Variants in AADACL2 observed in about 807,000 individuals in gnomAD.
AADACL2 encodes arylacetamide deacetylase-like 2.
A neutral mutation model predicts 22.3 loss-of-function variants in AADACL2; 23 were observed. That is an observed-to-expected ratio of 1.03 (90% confidence interval 0.74 to 1.46). The LOEUF is 1.46. Ranked by LOEUF, AADACL2 falls within the 40% of genes most tolerant of loss-of-function variation. The pLI, the probability that AADACL2 is intolerant of heterozygous loss-of-function variation, is 0.00. For missense variants in AADACL2, 472 were observed against 482.9 expected (o/e 0.98, Z 0.21); for synonymous variants, 177 against 166.2 (o/e 1.07, Z -0.50).
At chr3:151,739,752 C>G (rs1176725052) in intron 1 of AADACL2, among the ~76,000 whole-genome samples, 1 of 152,196 alleles carries the variant, frequency 6.6e-6, no homozygotes, top group Non-Finnish European at 1.5e-5. Flanking sequence ...GCCACAGCCA[C>G]TTTGCTACAT....
chr3:151,744,308 A>T, intron 3 of AADACL2, 146 bp downstream of exon 3: 1 of 681,492 alleles, frequency 1.5e-6, no homozygotes, highest in Non-Finnish European at 2.4e-6. Context: ...ACTGCTCCTC[A>T]AAGAGGTTCA....
intron 4 of AADACL2, among the ~76,000 whole-genome samples, chr3:151,746,683 A>G (rs373746021): frequency 2.0e-5 from 3 of 152,038 alleles, no homozygotes; most frequent in African/African-American, 7.2e-5. Context: ...TTTTTACTCC[A>G]ACTATTGAGA....
At chr3:151,740,952 A>T (rs1713262344) in intron 2 of AADACL2, 84 bp downstream of exon 2, 1 of 1,047,742 alleles carries the variant, frequency 9.5e-7, no homozygotes, top group African/African-American at 1.6e-5. Context: ...ACACACTTAT[A>T]CTGATACATA....
At chr3:151,746,364 TG>T (rs1180801389) in intron 4 of AADACL2, among the ~76,000 whole-genome samples, 4 of 112,418 alleles carry the variant, frequency 3.6e-5, no homozygotes, top group Non-Finnish European at 4.0e-5. Flanking sequence ...GTGTTTTTTT[TG>T]TTTTTTTTTT....
At chr3:151,748,309 G>A (rs1003295399) in intron 4 of AADACL2, among the ~76,000 whole-genome samples, 4 of 152,220 alleles carry the variant, frequency 2.6e-5, no homozygotes, top group African/African-American at 7.2e-5. Flanking sequence ...TGAAATGAGT[G>A]TCCAATTTCA....
chr3:151,750,812 T>G (rs532038352), intron 4 of AADACL2, among the ~76,000 whole-genome samples: 2 of 152,328 alleles, frequency 1.3e-5, no homozygotes, highest in African/African-American at 4.8e-5. Context: ...TAAGTATATA[T>G]GCACATACAT....
intron 1 of AADACL2, among the ~76,000 whole-genome samples, chr3:151,735,891 G>T (rs976837189): frequency 6.6e-6 from 1 of 152,152 alleles, no homozygotes; most frequent in African/African-American, 2.4e-5. Flanking sequence ...TATTAACCAT[G>T]TAATATTTAA....
chr3:151,744,033 AACT>A (rs1560282867), intron 2 of AADACL2, 57 bp from the exon 3 acceptor site: 2 of 1,536,628 alleles, frequency 1.3e-6, no homozygotes, highest in African/African-American at 2.7e-5. Context: ...TCATATCTGT[AACT>A]GTTTCTATAG....
chr3:151,753,626 G>A (rs1242274669), intron 4 of AADACL2, among the ~76,000 whole-genome samples: 1 of 152,154 alleles, frequency 6.6e-6, no homozygotes, highest in African/African-American at 2.4e-5. Flanking sequence ...CAGTTTCTAT[G>A]AAGTTGAGTG....
intron 4 of AADACL2, among the ~76,000 whole-genome samples, chr3:151,752,037 T>G (rs1313596514): frequency 1.3e-5 from 2 of 152,228 alleles, no homozygotes; most frequent in Non-Finnish European, 2.9e-5. Flanking sequence ...TATCCTTTCC[T>G]ATTTACTTTT....
intron 2 of AADACL2, among the ~76,000 whole-genome samples, chr3:151,741,464 C>T (rs1463399220): frequency 6.6e-6 from 1 of 152,042 alleles, no homozygotes; most frequent in Non-Finnish European, 1.5e-5. Context: ...AGAAAAAAGA[C>T]ACACACATAG....
chr3:151,740,694 T>A lies in AADACL2; in HGVS notation c.187T>A (p.Ser63Thr), dbSNP rs1273957911. The change falls in exon 2 of 5, where the codon TCC becomes ACC. Residue 63 changes from serine to threonine, a missense_variant. Around this residue, in one of 3 missense-constraint regions of AADACL2, gnomAD observed 356 missense variants for 365.5 expected, o/e 0.97. Transcript: ENST00000356517. ...TATTATGAGATATGAAGAGTTTATA[T>A]CCATGATATTCAGGCTGGATTATAC... The part of the protein sequence containing the change: ...MRIMRYEEFI[S>T]MIFRLDYTQP... The A allele has an allele frequency of 1.2e-6, 2 of 1,613,764 alleles. No homozygotes were observed. Among genetic ancestry groups the A allele is most frequent in the Non-Finnish European group, 1.7e-6 (2 of 1,179,846 alleles).
At chr3:151,744,292 A>G (rs1380594896) in intron 3 of AADACL2, 130 bp downstream of exon 3, 3 of 766,180 alleles carry the variant, frequency 3.9e-6, no homozygotes, top group Non-Finnish European at 6.1e-6. Context: ...CACCATTGCA[A>G]CATAGACTGC....
intron 1 of AADACL2, among the ~76,000 whole-genome samples, chr3:151,739,765 T>A (rs1256597763): frequency 6.6e-6 from 1 of 152,100 alleles, no homozygotes; most frequent in East Asian, 1.9e-4. Context: ...TGCTACATGG[T>A]GCTGAATTCC....
chr3:151,754,375 C>T (rs957230258), intron 4 of AADACL2, among the ~76,000 whole-genome samples: 4 of 152,074 alleles, frequency 2.6e-5, no homozygotes, highest in African/African-American at 7.2e-5. Flanking sequence ...ACAATAATAC[C>T]AGTGGCATGG....
chr3:151,740,688 T>C lies in AADACL2; in HGVS notation c.181T>C (p.Phe61Leu). Residue 61 changes from phenylalanine to leucine, a missense_variant, in exon 2 of 5, where the codon TTT becomes CTT. Transcript: ENST00000356517. ...TATGCGTATTATGAGATATGAAGAG[T>C]TTATATCCATGATATTCAGGCTGGA... ...ENMRIMRYEE[F>L]ISMIFRLDYT... The C allele has an allele frequency of 6.2e-7, 1 of 1,613,712 alleles. No individual in the cohort carries two copies. The highest frequency in any genetic ancestry group is 8.5e-7 in the Non-Finnish European group (1 of 1,179,768).
Position 151,740,841 on chromosome 3 carries a change from G to T in AADACL2, c.334G>T (p.Gly112Cys). ...AAGGCGAGCTGTGATATATTTTCAT[G>T]GTGGTGGTTTTTGTTTTGGAAGTTC... The part of the protein sequence containing the change: ...TRRRAVIYFH[G>C]GGFCFGSSKQ... The change falls in exon 2 of 5, where the codon GGT becomes TGT. Residue 112 changes from glycine to cysteine, a missense_variant. Physicochemically the swap from Gly to Cys is radical, Grantham distance 159. Around this residue, in one of 3 missense-constraint regions of AADACL2, gnomAD observed 356 missense variants for 365.5 expected, o/e 0.97. Transcript: ENST00000356517. 6.2e-7 allele frequency: 1 copy of T among 1,613,904 alleles called. No homozygotes were observed. The highest frequency in any genetic ancestry group is 8.5e-7 in the Non-Finnish European group (1 of 1,179,906).
intron 4 of AADACL2, among the ~76,000 whole-genome samples, chr3:151,750,390 A>G (rs1176186438): frequency 6.6e-6 from 1 of 152,142 alleles, no homozygotes; most frequent in East Asian, 1.9e-4. Flanking sequence ...CAGGTTCCTA[A>G]GTTCACCTAT....
chr3:151,740,627 G>A lies in AADACL2; in HGVS notation c.139-19G>A, dbSNP rs1214412659. On this transcript the variant is annotated intron_variant, in intron 1 of 4. Transcript: ENST00000356517. ...TTTAAATATCTAAATATTTAATTTT[G>A]TTTGTTTTGTTCTTACAGGCTATGT... The A allele has an allele frequency of 1.4e-6, 2 of 1,464,406 alleles. No individual in the cohort carries two copies. The highest frequency in any genetic ancestry group is 4.8e-5 in the East Asian group (2 of 41,498). 90.7% of individuals were successfully genotyped at this position (1,464,406 alleles called of 1,614,324 possible).
Sources: allele counts gnomAD v4.1 joint callset (sites outside exome capture counted in the v4.1 genomes callset), GRCh38; gene constraint gnomAD v4.1.1; regional missense constraint gnomAD v4.1.1; transcripts MANE v1.5; gene names NCBI Gene and HGNC (gene_info 2026-07-23, HGNC 2026-07-21).